DBX2: variants seen among roughly 807,000 people sequenced by gnomAD.
DBX2 encodes homeobox protein DBX2.
Under a neutral mutation model 17.7 loss-of-function variants are expected in DBX2, and 16 were observed. The ratio of observed to expected loss-of-function variants is 0.90; its 90% CI spans 0.61 to 1.37. The LOEUF (loss-of-function observed/expected upper bound fraction) is 1.37. Ranked by LOEUF, DBX2 falls within the 40% of genes most tolerant of loss-of-function variation. The probability of loss-of-function intolerance (pLI) is 0.00; values close to 1 mark genes in which losing one functional copy is unlikely to be tolerated. For synonymous variants in DBX2, 255 were observed against 183.8 expected (o/e 1.39, Z -3.13); for missense variants, 538 against 433.8 (o/e 1.24, Z -2.13).
Position 45,023,824 on chromosome 12 carries a change from T to A in DBX2, c.570A>T (p.Arg190Ser), listed in dbSNP as rs779324371. 3 of 1,610,862 alleles carry A rather than the reference T, an allele frequency of 1.9e-6. No homozygotes were observed. The South Asian group carries it at 3.3e-5, about 18-fold the overall frequency. The change falls in exon 3 of 4, where the codon AGA (arginine) becomes AGT (serine). Residue 190 changes from arginine to serine, a missense_variant. Transcript: ENST00000332700. Reference sequence around the variant, plus strand: ...TTCTCTGGTCCTCAGAAAAGACAGCTCTTCTTAAAATGCCCCTCCGAGCTT... The same window carrying A: ...TTCTCTGGTCCTCAGAAAAGACAGCACTTCTTAAAATGCCCCTCCGAGCTT... ...NSKARRGILR[R>S]AVFSEDQRKA...
chr12:45,016,433 C>T lies in DBX2; in HGVS notation c.873G>A (p.Trp291Ter), dbSNP rs757587545. The T allele has an allele frequency of 4.3e-6, 7 of 1,613,890 alleles. No homozygotes were observed. The highest frequency in any genetic ancestry group is 8.5e-7 in the Non-Finnish European group (1 of 1,179,974). ...DVPQQHSSPRWRENSPEPSER... is the reference protein window; with the variant it reads ...DVPQQHSSPR ...CTGAAGGTTCTGGAGAATTCTCCCT[C>T]CATCTTGGACTTGAGTGCTGTTGGG... The change falls in exon 4 of 4, where the codon TGG becomes TGA. Residue 291 changes from tryptophan to a stop codon, truncating the protein, a stop_gained. Transcript: ENST00000332700. LOFTEE classifies it low-confidence loss of function (END_TRUNC).
At chr12:45,016,991 G>A (rs186391521) in intron 3 of DBX2, among the ~76,000 whole-genome samples, 1 of 151,848 alleles carries the variant, frequency 6.6e-6, no homozygotes, top group Admixed American at 6.6e-5. Context: ...TCATCATGTT[G>A]CCCAGGCTGG....
At chr12:45,020,404 C>T (rs1365928538) in intron 3 of DBX2, among the ~76,000 whole-genome samples, 1 of 151,984 alleles carries the variant, frequency 6.6e-6, no homozygotes, top group African/African-American at 2.4e-5. Context: ...TAATATTCCA[C>T]TATATGGATA....
rs1395755060 is a variant in DBX2 at position 45,050,882 on chromosome 12, C to T, written c.46G>A (p.Val16Ile). The T allele has an allele frequency of 1.5e-5, 23 of 1,525,852 alleles. No individual in the cohort carries two copies. The highest frequency in any genetic ancestry group is 1.7e-4 in the Middle Eastern group (1 of 5,858). The allele number at this position is 1,525,852 out of a possible 1,614,324, so 94.5% of individuals were successfully genotyped here. ...VAAHAGAYWD[V>I]VASSALLNLP... ...TTGAGGAGCGCGGAGGAAGCCACAA[C>T]GTCCCAGTACGCACCGGCGTGGGCT... is the stretch of plus-strand genomic sequence containing the variant. Residue 16 changes from valine (V) to isoleucine (I), a missense_variant, in exon 1 of 4, where the codon GTT becomes ATT. Val to Ile is a conservative substitution (Grantham distance 29, BLOSUM62 3). Transcript: ENST00000332700.
intron 3 of DBX2, 25 bp from the exon 4 acceptor site, chr12:45,016,643 AT>A: frequency 6.6e-7 from 1 of 1,511,150 alleles, no homozygotes; most frequent in South Asian, 1.4e-5. Flanking sequence ...ATTGCACAAA[AT>A]GATCACTTAT....
intron 1 of DBX2, 147 bp downstream of exon 1, chr12:45,050,378 C>T (rs994562925): frequency 8.9e-7 from 1 of 1,119,978 alleles, no homozygotes; most frequent in Non-Finnish European, 1.2e-6. Flanking sequence ...CCCGAAGTGG[C>T]ATCTCCACTA....
Position 45,015,115 on chromosome 12 carries a change from A to C in DBX2, c.*1171T>G, listed in dbSNP as rs1266481621. ...ATTTCTTCTTGGTCCTGGAGTAAAA[A>C]CTTCTGGATTAACTCAGCAAATCGT... On this transcript the variant is annotated 3_prime_UTR_variant, in exon 4 of 4. Coordinates refer to ENST00000332700, the MANE Select transcript of DBX2 (RefSeq NM_001004329.3). 6.6e-6 allele frequency: 1 copy of C among 152,198 alleles called. No homozygotes were observed. The highest frequency in any genetic ancestry group is 1.5e-5 in the Non-Finnish European group (1 of 68,028). The allele number at this position is 152,198 out of a possible 1,614,324, so 9.4% of individuals were successfully genotyped here. A position where few individuals can be genotyped will look rare whatever the true frequency, so the allele number is the denominator to read the frequency against.
intron 2 of DBX2, among the ~76,000 whole-genome samples, chr12:45,032,798 T>C (rs907350285): frequency 2.6e-5 from 4 of 152,210 alleles, no homozygotes; most frequent in African/African-American, 9.6e-5. Flanking sequence ...TCAAGTTGGA[T>C]ACTCAAAGAT....
chr12:45,044,225 A>T (rs973035025), intron 1 of DBX2, among the ~76,000 whole-genome samples: 1 of 143,710 alleles, frequency 7.0e-6, no homozygotes, highest in Non-Finnish European at 1.5e-5. Context: ...AAACAATCAG[A>T]TGGTCTTTTT....
Position 45,016,309 on chromosome 12 carries a change from C to A in DBX2, c.997G>T (p.Gly333Cys). The A allele has an allele frequency of 6.3e-7, 1 of 1,588,540 alleles. No individual in the cohort carries two copies. The highest frequency in any genetic ancestry group is 2.2e-5 in the East Asian group (1 of 44,684). The change falls in exon 4 of 4, where the codon GGT becomes TGT. Residue 333 changes from glycine to cysteine, a missense_variant. Coordinates refer to ENST00000332700, the MANE Select transcript of DBX2 (RefSeq NM_001004329.3). ...LCSEEEAGSK[G>C]VLTGAV The stretch of plus-strand genomic sequence containing the variant: ...ATTCAGACAGCCCCAGTAAGTACAC[C>A]CTTGCTTCCAGCTTCTTCTTCAGAA...
intron 1 of DBX2, among the ~76,000 whole-genome samples, chr12:45,047,230 T>C (rs1216866285): frequency 1.3e-5 from 2 of 152,130 alleles, no homozygotes; most frequent in South Asian, 2.1e-4. Flanking sequence ...TTTCCAAATA[T>C]TGTCACAAAT....
chr12:45,038,326 GA>G (rs140253746), intron 1 of DBX2, among the ~76,000 whole-genome samples: 53,724 of 147,184 alleles, frequency 0.37, 11,382 homozygotes, highest in Non-Finnish European at 0.5. Flanking sequence ...TGAGGTAAAA[GA>G]AAAAAAAAGA....
At chr12:45,043,718 G>C (rs1208868784) in intron 1 of DBX2, among the ~76,000 whole-genome samples, 1 of 152,206 alleles carries the variant, frequency 6.6e-6, no homozygotes, top group Admixed American at 6.5e-5. Context: ...AAAACTGTAA[G>C]AGAAAATAAT....
intron 2 of DBX2, among the ~76,000 whole-genome samples, chr12:45,035,580 C>G (rs760261127): frequency 6.6e-6 from 1 of 152,176 alleles, no homozygotes; most frequent in Non-Finnish European, 1.5e-5. Flanking sequence ...TCTCCTCTCA[C>G]GATCTTGACA....
chr12:45,043,152 T>C (rs1946480942), intron 1 of DBX2, among the ~76,000 whole-genome samples: 1 of 152,152 alleles, frequency 6.6e-6, no homozygotes, highest in African/African-American at 2.4e-5. Context: ...CTGATATTGG[T>C]TATCTTGATT....
At chr12:45,027,820 C>CT (rs1946389321) in intron 2 of DBX2, among the ~76,000 whole-genome samples, 2 of 152,126 alleles carry the variant, frequency 1.3e-5, no homozygotes, top group Non-Finnish European at 2.9e-5. Flanking sequence ...TTGGGAATAA[C>CT]CAGTCAGTTA....
chr12:45,022,156 C>T (rs1409942135), intron 3 of DBX2, among the ~76,000 whole-genome samples: 2 of 152,094 alleles, frequency 1.3e-5, no homozygotes, highest in Non-Finnish European at 2.9e-5. Flanking sequence ...TACCACACAG[C>T]GAGGAGAGCA....
At chr12:45,035,764 T>C (rs929095601) in intron 2 of DBX2, among the ~76,000 whole-genome samples, 1 of 152,202 alleles carries the variant, frequency 6.6e-6, no homozygotes, top group Non-Finnish European at 1.5e-5. Flanking sequence ...AGATCTTTTA[T>C]ATCAAATGGA....
intron 1 of DBX2, among the ~76,000 whole-genome samples, chr12:45,039,065 C>T (rs1033312101): frequency 2.6e-5 from 4 of 151,416 alleles, no homozygotes; most frequent in Non-Finnish European, 4.4e-5. Context: ...TATTTACACA[C>T]GAGTTTAAGT....
Sources: gnomAD v4.1 joint callset for allele counts (sites outside exome capture counted in the v4.1 genomes callset) on GRCh38, gnomAD v4.1.1 for gene constraint, MANE v1.5 for transcripts, NCBI Gene and HGNC (gene_info 2026-07-23, HGNC 2026-07-21) for gene names.